BCL11B: variants seen among roughly 807,000 people sequenced by gnomAD.
The protein encoded by BCL11B is B-cell lymphoma/leukemia 11B.
In BCL11B, 8 loss-of-function variants were observed where a neutral mutation model predicts 49.9. The observed-to-expected ratio is 0.16, with a 90% CI of 0.09 to 0.29. The LOEUF (loss-of-function observed/expected upper bound fraction) is 0.29, where lower values mean the gene tolerates loss of function less well. Among genes scored for constraint, BCL11B ranks in the 10% least tolerant of loss-of-function variants. The probability of loss-of-function intolerance (pLI) is 1.00; values close to 1 mark genes in which losing one functional copy is unlikely to be tolerated. For missense variants in BCL11B, 1,006 were observed against 1,351.0 expected (o/e 0.74, Z 4.00); for synonymous variants, 739 against 637.4 (o/e 1.16, Z -2.40).
At chr14:99,217,385 G>GACACACACACACATACAGACACAGAC (rs555834922) in intron 3 of BCL11B, among the ~76,000 whole-genome samples, 110 of 131,128 alleles carry the variant, frequency 8.4e-4, no homozygotes, top group African/African-American at 2.9e-3. Flanking sequence ...CACACATACA[G>GACACACACACACATACAGACACAGAC]ACACACACAC....
At chr14:99,230,438 CAT>C (rs529725545) in intron 3 of BCL11B, among the ~76,000 whole-genome samples, 9 of 152,348 alleles carry the variant, frequency 5.9e-5, no homozygotes, top group Admixed American at 2.0e-4. Flanking sequence ...CTGCTCACCA[CAT>C]GTGTCTGTGT....
intron 3 of BCL11B, among the ~76,000 whole-genome samples, chr14:99,190,268 C>G (rs2139794808): frequency 6.6e-6 from 1 of 152,294 alleles, no homozygotes; most frequent in Admixed American, 6.5e-5. Flanking sequence ...GCGGGCAGAT[C>G]ACGAGGTCAG....
chr14:99,223,681 C>T (rs942506645), intron 3 of BCL11B, among the ~76,000 whole-genome samples: 13 of 152,232 alleles, frequency 8.5e-5, no homozygotes, highest in Admixed American at 8.5e-4. Context: ...GGGCCCAATG[C>T]ACCACTGGAT....
chr14:99,213,499 C>T lies in BCL11B; in HGVS notation c.640+17846G>A, dbSNP rs1887745463. Among the ~76,000 whole-genome samples the T allele has an allele frequency of 6.6e-6, 1 of 152,228 alleles. No homozygotes were observed. The highest frequency in any genetic ancestry group is 1.5e-5 in the Non-Finnish European group (1 of 68,042). Reference sequence around the variant, plus strand: ...GTTTTTAATAGAAGAACTTAATTTTCACTTCTGAGGAATCTGGGCTCAGGG... The same window carrying T: ...GTTTTTAATAGAAGAACTTAATTTTTACTTCTGAGGAATCTGGGCTCAGGG... On this transcript the variant is annotated intron_variant, in intron 3 of 3. Coordinates refer to ENST00000357195, the MANE Select transcript of BCL11B (RefSeq NM_138576.4). This position sits in a 1 kb window ranked among gnomAD's most constrained non-coding sequence, Gnocchi z 5.1.
Position 99,175,848 on chromosome 14 carries a change from G to T in BCL11B, c.988C>A (p.Leu330Ile). Residue 330 changes from leucine (L) to isoleucine (I), a missense_variant, in exon 4 of 4, where the codon CTC (leucine) becomes ATC (isoleucine). Physicochemically the swap from Leu to Ile is conservative, Grantham distance 5. Transcript: ENST00000357195. ...ACGAGCCCCATCTCCTCGGCACTGAGGCGGTGCGGGTCCAGGTGGTGGCGC... is the reference window on the plus strand; with the variant it reads ...ACGAGCCCCATCTCCTCGGCACTGATGCGGTGCGGGTCCAGGTGGTGGCGC... The part of the protein sequence containing the change: ...PPRHHLDPHR[L>I]SAEEMGLVAQ... 1.4e-6 allele frequency: 2 copies of T among 1,479,402 alleles called. No homozygotes were observed. The highest frequency in any genetic ancestry group is 1.8e-4 in the Middle Eastern group (1 of 5,504). 91.6% of individuals were successfully genotyped at this position (1,479,402 alleles called of 1,614,324 possible). A position where few individuals can be genotyped will look rare whatever the true frequency, so the allele number is the denominator to read the frequency against.
At position 99,264,043 on chromosome 14, in the gene BCL11B, G is replaced by C. The variant is rs137957348; in HGVS notation, c.59-6204C>G. ...AAACTGCAAATGCCTTCAATCTTCAGAGCCACAACGGGCTCCTAACGATGT... is the reference window on the plus strand; with the variant it reads ...AAACTGCAAATGCCTTCAATCTTCACAGCCACAACGGGCTCCTAACGATGT... On this transcript the variant is annotated intron_variant, in intron 1 of 3. Coordinates refer to ENST00000357195, the MANE Select transcript of BCL11B (RefSeq NM_138576.4). 3.9e-5 allele frequency: 6 copies of C among 152,354 alleles called. No individual in the cohort carries two copies. In the East Asian group the frequency reaches 7.7e-4, roughly 20 times the overall value. The allele number at this position is 152,354 out of a possible 1,614,324, so 9.4% of individuals were successfully genotyped here.
At position 99,262,907 on chromosome 14, in the gene BCL11B, G is replaced by A. The variant is rs1889378770; in HGVS notation, c.59-5068C>T. On this transcript the variant is annotated intron_variant, in intron 1 of 3. Coordinates refer to ENST00000357195, the MANE Select transcript of BCL11B (RefSeq NM_138576.4). The surrounding 1 kb of genome is among the most constrained non-coding windows in gnomAD (Gnocchi z 4.2). ...AGAGAGCAGGAATCAATTCTTGGTG[G>A]AGAAAATAATCTATGACTAGATGAC... 1 of 152,198 alleles carries A rather than the reference G, an allele frequency of 6.6e-6. No individual in the cohort carries two copies. The highest frequency in any genetic ancestry group is 1.5e-5 in the Non-Finnish European group (1 of 68,054). 9.4% of individuals were successfully genotyped at this position (152,198 alleles called of 1,614,324 possible).
chr14:99,191,378 C>T (rs3898159), intron 3 of BCL11B, among the ~76,000 whole-genome samples: 80 of 149,084 alleles, frequency 5.4e-4, no homozygotes, highest in Non-Finnish European at 9.6e-4. Flanking sequence ...ACACTGGCTT[C>T]CTTGTGGGGA....
intron 3 of BCL11B, among the ~76,000 whole-genome samples, chr14:99,212,876 G>A (rs1462055792): frequency 6.6e-6 from 1 of 152,212 alleles, no homozygotes; most frequent in Admixed American, 6.5e-5. Flanking sequence ...AAAGCAGGAT[G>A]TGCTGTCTTT....
At chr14:99,270,204 GC>G (rs1026769696) in intron 1 of BCL11B, among the ~76,000 whole-genome samples, 3 of 152,130 alleles carry the variant, frequency 2.0e-5, no homozygotes, top group African/African-American at 7.2e-5. Context: ...CACGATTTCA[GC>G]CGGTGGATTT....
intron 2 of BCL11B, among the ~76,000 whole-genome samples, chr14:99,251,114 G>A (rs1266328295): frequency 6.6e-6 from 1 of 152,192 alleles, no homozygotes; most frequent in East Asian, 1.9e-4. Context: ...CAAGCTACAG[G>A]GGTGGGCACC....
chr14:99,199,677 TGTGTGTGC>T (rs1275105848), intron 3 of BCL11B, among the ~76,000 whole-genome samples: 86 of 112,182 alleles, frequency 7.7e-4, no homozygotes, highest in African/African-American at 2.1e-3. Context: ...TGTGTGTGTG[TGTGTGTGC>T]GCGCGCGCGC....
At chr14:99,270,866 G>C (rs1388583869) in intron 1 of BCL11B, among the ~76,000 whole-genome samples, 1 of 148,276 alleles carries the variant, frequency 6.7e-6, no homozygotes, top group African/African-American at 2.5e-5. Flanking sequence ...GGCTCGGCGC[G>C]CACACACACA....
At position 99,257,395 on chromosome 14, in the gene BCL11B, C is replaced by A; in HGVS notation, c.427+76G>T. On this transcript the variant is annotated intron_variant, in intron 2 of 3. Transcript: ENST00000357195. The surrounding 1 kb of genome is among the most constrained non-coding windows in gnomAD (Gnocchi z 6.2). The stretch of plus-strand genomic sequence containing the variant: ...GGAAGCCCCTGGGCCTTCCCCTGCA[C>A]CAGCACACTCAGGCAGAGGGCATGG... 4 of 1,511,928 alleles carry A rather than the reference C, an allele frequency of 2.6e-6. No homozygotes were observed. Among genetic ancestry groups the A allele is most frequent in the Non-Finnish European group, 3.6e-6 (4 of 1,126,304 alleles). 93.7% of individuals were successfully genotyped at this position (1,511,928 alleles called of 1,614,324 possible). A position where few individuals can be genotyped will look rare whatever the true frequency, so the allele number is the denominator to read the frequency against.
chr14:99,233,592 G>A (rs527655136), intron 2 of BCL11B, among the ~76,000 whole-genome samples: 1 of 152,270 alleles, frequency 6.6e-6, no homozygotes, highest in East Asian at 1.9e-4. Context: ...GAAGCAGCTC[G>A]AGGCCTGGTA....
At chr14:99,246,259 C>T in intron 2 of BCL11B, among the ~76,000 whole-genome samples, 1 of 152,234 alleles carries the variant, frequency 6.6e-6, no homozygotes, top group East Asian at 1.9e-4. Flanking sequence ...CTCCGCCCGC[C>T]CCTCGCCGCC....
intron 3 of BCL11B, among the ~76,000 whole-genome samples, chr14:99,220,733 A>G (rs976715532): frequency 6.6e-6 from 1 of 152,202 alleles, no homozygotes; most frequent in Non-Finnish European, 1.5e-5. Context: ...TGGTAAATCT[A>G]ATGTTTATCT....
In BCL11B at chr14:99,257,520, G is replaced by C; in HGVS notation, c.378C>G (p.His126Gln). Reference protein sequence around the residue: ...GIQVTPDEDDHLLSPTKGICP... With the variant: ...GIQVTPDEDDQLLSPTKGICP... ...AGATGCCTTTCGTGGGTGAGAGCAGGTGGTCATCTTCGTCGGGGGTGACTT... is the reference window on the plus strand; with the variant it reads ...AGATGCCTTTCGTGGGTGAGAGCAGCTGGTCATCTTCGTCGGGGGTGACTT... The change falls in exon 2 of 4, where the codon CAC (histidine) becomes CAG (glutamine). Residue 126 changes from histidine to glutamine, a missense_variant. Physicochemically the swap from His to Gln is conservative, Grantham distance 24 (BLOSUM62 0). Around this residue, in one of 6 missense-constraint regions of BCL11B, gnomAD observed 411 missense variants for 542.2 expected, o/e 0.76. Transcript: ENST00000357195. This position sits in a 1 kb window ranked among gnomAD's most constrained non-coding sequence, Gnocchi z 6.2. The C allele has an allele frequency of 6.2e-7, 1 of 1,613,370 alleles. No homozygotes were observed.
At chr14:99,250,960 G>A (rs759777717) in intron 2 of BCL11B, among the ~76,000 whole-genome samples, 4 of 151,918 alleles carry the variant, frequency 2.6e-5, no homozygotes, top group Admixed American at 2.6e-4. Flanking sequence ...ATGTCACCAT[G>A]TTAGCGGCAC....
Sources: allele counts gnomAD v4.1 joint callset (sites outside exome capture counted in the v4.1 genomes callset), GRCh38; gene constraint gnomAD v4.1.1; regional missense constraint gnomAD v4.1.1; non-coding constraint Gnocchi (gnomAD v3.1); transcripts MANE v1.5; gene names NCBI Gene and HGNC (gene_info 2026-07-23, HGNC 2026-07-21).